The following SP4 variants were observed in gnomAD, a reference collection of about 807,000 sequenced individuals.
SP4 encodes Sp4 transcription factor, also known as transcription factor Sp4.
SP4 carries 19 observed loss-of-function variants against 72.8 expected under a neutral mutation model. That is an observed-to-expected ratio of 0.26 (90% CI 0.18 to 0.38). The LOEUF is 0.38. Among genes scored for constraint, SP4 ranks in the 10% least tolerant of loss-of-function variants. SP4 has a pLI of 1.00. For missense variants in SP4, 1,008 were observed against 926.3 expected, an observed-to-expected ratio of 1.09 and a Z score of -1.14; for synonymous variants, 395 against 333.1, an observed-to-expected ratio of 1.19 and a Z score of -2.02.
At chr7:21,442,043 T>A (rs2128394907) in intron 3 of SP4, among the ~76,000 whole-genome samples, 1 of 148,630 alleles carries the variant, frequency 6.7e-6, no homozygotes, top group African/African-American at 2.5e-5. Flanking sequence ...TGTGTATTTT[T>A]TTTTTTTTTT....
chr7:21,481,249 C>T (rs1201379941), intron 4 of SP4, among the ~76,000 whole-genome samples: 1 of 152,194 alleles, frequency 6.6e-6, no homozygotes, highest in Non-Finnish European at 1.5e-5. Flanking sequence ...TCTTGCCCCT[C>T]CTGGGGCCAT....
In SP4 at chr7:21,511,440, A is replaced by G; in HGVS notation, c.*171A>G. 1.6e-6 allele frequency: 1 copy of G among 632,730 alleles called. No homozygotes were observed. The allele number at this position is 632,730 out of a possible 1,614,324, so 39.2% of individuals were successfully genotyped here. A position where few individuals can be genotyped will look rare whatever the true frequency, so the allele number is the denominator to read the frequency against. ...CACGTGAAGTGTTGAATTTTAAAAA[A>G]TACAAAAAGCAGACTGATGTACTGG... On this transcript the variant is annotated 3_prime_UTR_variant, in exon 6 of 6. Transcript: ENST00000222584.
Position 21,428,186 on chromosome 7 carries a change from T to TCCCCCCCCCCCC in SP4, c.-65_-64insCCCCCCCCCCCC. The stretch of plus-strand genomic sequence containing the variant: ...GGCGGGACCGGCCTCTCCTCCCGCC[T>TCCCCCCCCCCCC]CGCCCCCACCCCCACCCACCTCTAT... On this transcript the variant is annotated 5_prime_UTR_variant, in exon 1 of 6. Coordinates refer to ENST00000222584, the MANE Select transcript of SP4 (RefSeq NM_003112.5). The TCCCCCCCCCCCC allele has an allele frequency of 6.7e-6, 2 of 297,746 alleles. No individual in the cohort carries two copies. The highest frequency in any genetic ancestry group is 1.3e-5 in the Non-Finnish European group (2 of 152,408). The allele number at this position is 297,746 out of a possible 1,614,324, so 18.4% of individuals were successfully genotyped here.
intron 3 of SP4, among the ~76,000 whole-genome samples, chr7:21,463,786 G>A (rs939925767): frequency 3.3e-5 from 5 of 152,112 alleles, no homozygotes; most frequent in East Asian, 1.9e-4. Flanking sequence ...CTTCCTCTCC[G>A]GGGTTCCCCT....
chr7:21,499,702 A>G (rs1781817389), intron 5 of SP4, among the ~76,000 whole-genome samples: 2 of 152,236 alleles, frequency 1.3e-5, no homozygotes, highest in African/African-American at 4.8e-5. Context: ...GCCCGAGGAA[A>G]CTAATATATT....
At position 21,430,378 on chromosome 7, in the gene SP4, C is replaced by A. The variant is rs775863548; in HGVS notation, c.1213C>A (p.Gln405Lys). ...GCAAATTGTAGGCCAACCTATCTTA[C>A]AGCAGATCCAGATCCAACAGCCTCA... Reference protein sequence around the residue: ...QVQIVGQPILQQIQIQQPQQQ... With the variant: ...QVQIVGQPILKQIQIQQPQQQ... The change falls in exon 3 of 6, where the codon CAG (glutamine) becomes AAG (lysine). Residue 405 changes from glutamine (Q) to lysine (K), a missense_variant. By Grantham distance (53) the Gln-to-Lys change is moderately conservative. Around this residue, in one of 3 missense-constraint regions of SP4, gnomAD observed 893 missense variants for 743.3 expected, o/e 1.20. Transcript: ENST00000222584. The A allele has an allele frequency of 5.6e-6, 9 of 1,614,084 alleles. No homozygotes were observed. Among genetic ancestry groups the A allele is most frequent in the East Asian group, 2.2e-5 (1 of 44,906 alleles).
chr7:21,508,527 C>G (rs1782066363), intron 5 of SP4, among the ~76,000 whole-genome samples: 1 of 152,170 alleles, frequency 6.6e-6, no homozygotes. Context: ...CAGGGTTTCA[C>G]CATGTTGGCC....
chr7:21,500,623 G>A (rs7796350), intron 5 of SP4, among the ~76,000 whole-genome samples: 1,987 of 152,226 alleles, frequency 0.013, 39 homozygotes, highest in African/African-American at 0.042. Flanking sequence ...CCAGCTGGCA[G>A]TTGGGAGCCT....
intron 3 of SP4, among the ~76,000 whole-genome samples, chr7:21,446,313 A>G (rs1783425151): frequency 6.6e-6 from 1 of 152,210 alleles, no homozygotes; most frequent in Admixed American, 6.5e-5. Flanking sequence ...GACAGTTTTC[A>G]GCACTTTAAA....
intron 5 of SP4, among the ~76,000 whole-genome samples, chr7:21,494,713 A>G (rs1198574426): frequency 6.6e-6 from 1 of 152,216 alleles, no homozygotes; most frequent in Non-Finnish European, 1.5e-5. Flanking sequence ...CCCCAAACAT[A>G]TCTGCAGATT....
chr7:21,499,812 T>C (rs1781819529), intron 5 of SP4, among the ~76,000 whole-genome samples: 1 of 152,198 alleles, frequency 6.6e-6, no homozygotes, highest in African/African-American at 2.4e-5. Flanking sequence ...AAAAGTATGT[T>C]TCATACATTG....
At chr7:21,428,488 A>G (rs1325865308) in intron 1 of SP4, among the ~76,000 whole-genome samples, 189 bp from the exon 2 acceptor site, 1 of 152,044 alleles carries the variant, frequency 6.6e-6, no homozygotes, top group Non-Finnish European at 1.5e-5. Flanking sequence ...TCGGGTTTCA[A>G]ACCACGTTTT....
intron 3 of SP4, among the ~76,000 whole-genome samples, chr7:21,451,817 A>G (rs1257623180): frequency 3.9e-5 from 6 of 152,184 alleles, no homozygotes; most frequent in Admixed American, 3.9e-4. Context: ...ACAAGTAGAG[A>G]TGTTAAGACA....
intron 5 of SP4, among the ~76,000 whole-genome samples, chr7:21,504,468 T>C (rs1490798043): frequency 6.6e-6 from 1 of 152,192 alleles, no homozygotes; most frequent in African/African-American, 2.4e-5. Flanking sequence ...AGGGAGTGTT[T>C]ATCTCCATCA....
chr7:21,497,687 A>G (rs1405695195), intron 5 of SP4, among the ~76,000 whole-genome samples: 1 of 152,194 alleles, frequency 6.6e-6, no homozygotes, highest in Non-Finnish European at 1.5e-5. Context: ...TCTGTGGCAC[A>G]TCCAGGAAAT....
intron 3 of SP4, among the ~76,000 whole-genome samples, chr7:21,466,176 T>G (rs78430744): frequency 0.014 from 2,205 of 152,278 alleles, 51 homozygotes; most frequent in East Asian, 0.081. Context: ...TCCCTACAGG[T>G]GAGGGCTTCT....
intron 3 of SP4, among the ~76,000 whole-genome samples, chr7:21,447,868 G>A (rs144902480): frequency 5.9e-5 from 9 of 152,114 alleles, no homozygotes; most frequent in African/African-American, 1.7e-4. Flanking sequence ...ATTGTTACTA[G>A]AGATGGGGTT....
intron 5 of SP4, among the ~76,000 whole-genome samples, chr7:21,510,374 A>G (rs78346162): frequency 0.041 from 6,092 of 146,920 alleles, 155 homozygotes; most frequent in Non-Finnish European, 0.056. Flanking sequence ...TTAACATTAA[A>G]CTAGCTTTTA....
intron 3 of SP4, among the ~76,000 whole-genome samples, chr7:21,432,085 C>A (rs948641482): frequency 1.3e-5 from 2 of 152,188 alleles, no homozygotes; most frequent in African/African-American, 4.8e-5. Context: ...TTCTATCTAC[C>A]TAGCTACATG....
Sources: gnomAD v4.1 joint callset for allele counts (sites outside exome capture counted in the v4.1 genomes callset) on GRCh38, gnomAD v4.1.1 for gene constraint, gnomAD v4.1.1 regional missense constraint, MANE v1.5 for transcripts, NCBI Gene and HGNC (gene_info 2026-07-23, HGNC 2026-07-21) for gene names.